Variants in ZMYM1 observed in about 807,000 individuals in gnomAD.
ZMYM1 encodes the protein zinc finger MYM-type protein 1.
A neutral mutation model predicts 60.0 loss-of-function variants in ZMYM1; 39 were observed. That is an observed-to-expected ratio of 0.65 (90% CI 0.50 to 0.85). ZMYM1 has a LOEUF of 0.85. ZMYM1 is among the 40% of genes least tolerant of loss of function. ZMYM1 has a pLI of 0.00. For synonymous variants in ZMYM1, 413 were observed against 454.0 expected (o/e 0.91, Z 1.15); for missense variants, 1,171 against 1,309.5 (o/e 0.89, Z 1.63).
intron 1 of ZMYM1, among the ~76,000 whole-genome samples, chr1:35,087,380 C>T (rs1354569194): frequency 1.3e-5 from 2 of 151,796 alleles, no homozygotes; most frequent in Non-Finnish European, 2.9e-5. Context: ...GGATGATATC[C>T]CCTGGAGGTC....
chr1:35,114,914 A>T lies in ZMYM1; in HGVS notation c.3084A>T (p.Arg1028Ser). The stretch of plus-strand genomic sequence containing the variant: ...ATGAGGACATTATCCCAGAACTTAG[A>T]TTTTATCGACATTATGCAAAGCTTA... Reference protein sequence around the residue: ...KLDEDIIPELRFYRHYAKLNF... With the variant: ...KLDEDIIPELSFYRHYAKLNF... The change falls in exon 10 of 10, where the codon AGA becomes AGT. Residue 1028 changes from arginine (R) to serine (S), a missense_variant. Arg to Ser is a moderately radical substitution (Grantham distance 110). Coordinates refer to ENST00000359858, the MANE Select transcript of ZMYM1 (RefSeq NM_024772.5). The T allele has an allele frequency of 6.2e-7, 1 of 1,612,112 alleles. No homozygotes were observed. Among genetic ancestry groups the T allele is most frequent in the South Asian group, 1.1e-5 (1 of 90,916 alleles).
intron 1 of ZMYM1, among the ~76,000 whole-genome samples, chr1:35,066,895 AT>A (rs1267224786): frequency 1.3e-5 from 2 of 152,234 alleles, no homozygotes; most frequent in Non-Finnish European, 2.9e-5. Flanking sequence ...AGACAAGCTG[AT>A]TCTAAAATGT....
intron 1 of ZMYM1, among the ~76,000 whole-genome samples, chr1:35,064,064 G>A (rs1174119944): frequency 3.9e-5 from 6 of 152,100 alleles, no homozygotes; most frequent in African/African-American, 4.8e-5. Flanking sequence ...AGTGGCTCAC[G>A]CCTGTAATCC....
At chr1:35,098,096 C>A (rs1273820505) in intron 4 of ZMYM1, among the ~76,000 whole-genome samples, 2 of 152,012 alleles carry the variant, frequency 1.3e-5, no homozygotes, top group Non-Finnish European at 2.9e-5. Flanking sequence ...TTACTCTTTT[C>A]ATTTGAAATT....
intron 6 of ZMYM1, among the ~76,000 whole-genome samples, chr1:35,107,471 A>G (rs1466947089): frequency 4.5e-5 from 6 of 134,486 alleles, no homozygotes; most frequent in Admixed American, 2.9e-4. Flanking sequence ...TCTGTCTCAG[A>G]AAAAAAAAAA....
At chr1:35,085,189 A>AG (rs961271940) in intron 1 of ZMYM1, among the ~76,000 whole-genome samples, 2 of 151,942 alleles carry the variant, frequency 1.3e-5, no homozygotes, top group African/African-American at 4.8e-5. Context: ...CTGGGACTAC[A>AG]GGTGCCCACT....
intron 1 of ZMYM1, among the ~76,000 whole-genome samples, chr1:35,071,030 G>C (rs1642057935): frequency 1.3e-5 from 2 of 151,926 alleles, no homozygotes; most frequent in Admixed American, 1.3e-4. Flanking sequence ...GATTACAGGT[G>C]TGCGCCACCA....
At chr1:35,069,433 G>A (rs888087352) in intron 1 of ZMYM1, among the ~76,000 whole-genome samples, 4 of 152,068 alleles carry the variant, frequency 2.6e-5, no homozygotes, top group African/African-American at 9.7e-5. Flanking sequence ...TTTAAAATCA[G>A]ATTATCTGTT....
At chr1:35,104,210 C>CT in intron 4 of ZMYM1, 85 bp from the exon 5 acceptor site, 2 of 1,229,826 alleles carry the variant, frequency 1.6e-6, no homozygotes, top group Non-Finnish European at 2.2e-6. Context: ...TGTTCTTACT[C>CT]TAATTTGAGA....
chr1:35,095,954 T>A (rs1440594196), intron 3 of ZMYM1, 63 bp downstream of exon 3: 7 of 1,204,126 alleles, frequency 5.8e-6, no homozygotes, highest in Non-Finnish European at 8.5e-6. Flanking sequence ...ATTCATTCTT[T>A]TTTAATGCCT....
At chr1:35,069,768 G>A (rs1489068262) in intron 1 of ZMYM1, among the ~76,000 whole-genome samples, 1 of 152,114 alleles carries the variant, frequency 6.6e-6, no homozygotes, top group Non-Finnish European at 1.5e-5. Flanking sequence ...TTTGTATATG[G>A]TGAGAGGTAG....
chr1:35,110,323 T>C lies in ZMYM1; in HGVS notation c.837T>C (p.Pro279=), dbSNP rs760222700. The C allele has an allele frequency of 3.2e-6, 5 of 1,567,106 alleles. No individual in the cohort carries two copies. The highest frequency in any genetic ancestry group is 2.0e-5 in the Admixed American group (1 of 50,674). Residue 279 remains proline (P), a synonymous_variant, in exon 7 of 10, where the codon CCT becomes CCC. Coordinates refer to ENST00000359858, the MANE Select transcript of ZMYM1 (RefSeq NM_024772.5). ...CTGCCAAACCACTTATATCTGTTCC[T>C]TGCAAACCATTGAAGCCCTCAGATG... is the stretch of plus-strand genomic sequence containing the variant. ...QKPAKPLISV[P]CKPLKPSDEM...
intron 1 of ZMYM1, chr1:35,093,588 A>T: frequency 6.5e-6 from 1 of 154,400 alleles, no homozygotes. Context: ...TGAGCCACCG[A>T]CCCTGGCCGA....
intron 1 of ZMYM1, among the ~76,000 whole-genome samples, chr1:35,089,542 A>C (rs558610634): frequency 6.6e-6 from 1 of 152,268 alleles, no homozygotes; most frequent in Admixed American, 6.5e-5. Context: ...AGAAATAAAA[A>C]ATAATGGCAG....
At chr1:35,061,354 T>C (rs1341806454) in intron 1 of ZMYM1, among the ~76,000 whole-genome samples, 2 of 152,194 alleles carry the variant, frequency 1.3e-5, no homozygotes, top group African/African-American at 4.8e-5. Context: ...GGGAGAATAT[T>C]AGGGGATTTT....
chr1:35,068,662 A>G (rs1425273278), intron 1 of ZMYM1, among the ~76,000 whole-genome samples: 1 of 149,938 alleles, frequency 6.7e-6, no homozygotes, highest in African/African-American at 2.4e-5. Context: ...ATATATATAT[A>G]TATATAAAAC....
chr1:35,094,462 TAA>T (rs909409692), intron 2 of ZMYM1, among the ~76,000 whole-genome samples: 3 of 152,220 alleles, frequency 2.0e-5, no homozygotes, highest in Non-Finnish European at 2.9e-5. Context: ...TTATGTAAAT[TAA>T]AAAAAATTTT....
At chr1:35,061,825 T>TTTAC in intron 1 of ZMYM1, among the ~76,000 whole-genome samples, 1 of 149,884 alleles carries the variant, frequency 6.7e-6, no homozygotes, top group Non-Finnish European at 1.5e-5. Context: ...TTTATTTTTA[T>TTTAC]TTATTTATTT....
At chr1:35,094,930 G>C (rs1379353659) in intron 2 of ZMYM1, among the ~76,000 whole-genome samples, 2 of 151,976 alleles carry the variant, frequency 1.3e-5, no homozygotes, top group African/African-American at 4.8e-5. Context: ...CACTAAAAAG[G>C]GTAATTTATT....
Sources: allele counts gnomAD v4.1 joint callset (sites outside exome capture counted in the v4.1 genomes callset), GRCh38; gene constraint gnomAD v4.1.1; transcripts MANE v1.5; gene names NCBI Gene and HGNC (gene_info 2026-07-23, HGNC 2026-07-21).